Variants in RGS22 observed in about 807,000 individuals in gnomAD.
RGS22 encodes regulator of G protein signaling 22.
A neutral mutation model predicts 172.9 loss-of-function variants in RGS22; 148 were observed. The observed-to-expected ratio is 0.86, with a 90% confidence interval of 0.75 to 0.98. RGS22 has a LOEUF of 0.98. RGS22 is among the 50% of genes least tolerant of loss of function. The probability of loss-of-function intolerance (pLI) is 0.00; values close to 1 mark genes in which losing one functional copy is unlikely to be tolerated. For synonymous variants in RGS22, 458 were observed against 480.2 expected, an observed-to-expected ratio of 0.95 and a Z score of 0.60; for missense variants, 1,347 against 1,440.8, an observed-to-expected ratio of 0.93 and a Z score of 1.05.
rs1024418694 is a variant in RGS22, at chr8:100,080,240, C to T, written c.233G>A (p.Arg78Gln). 1.1e-5 allele frequency: 18 copies of T among 1,613,552 alleles called. No individual in the cohort carries two copies. The highest frequency in any genetic ancestry group is 1.7e-5 in the Admixed American group (1 of 60,008). The part of the protein sequence containing the change: ...LKKILQNQQP[R>Q]NPIYDVVRKG... ...CCTTACAACATCATAAATGGGATTT[C>T]GAGGTTGCTGGTTTTGTAGAATTTT... The change falls in exon 4 of 28, where the codon CGA becomes CAA. Residue 78 changes from arginine (R) to glutamine (Q), a missense_variant. Arg to Gln is a conservative substitution (Grantham distance 43, BLOSUM62 1). Transcript: ENST00000360863.
intron 6 of RGS22, among the ~76,000 whole-genome samples, chr8:100,069,138 A>C (rs1051284370): frequency 2.6e-5 from 4 of 152,234 alleles, no homozygotes. Flanking sequence ...AAGTTCAAGT[A>C]ACCTTAGCCT....
At chr8:99,993,950 G>T (rs575722809) in intron 20 of RGS22, among the ~76,000 whole-genome samples, 1 of 152,294 alleles carries the variant, frequency 6.6e-6, no homozygotes, top group East Asian at 1.9e-4. Flanking sequence ...GGGATGCAAG[G>T]CTGGTTCAAC....
chr8:100,095,504 TC>T (rs1190707331), intron 2 of RGS22, among the ~76,000 whole-genome samples: 1 of 152,164 alleles, frequency 6.6e-6, no homozygotes, highest in Non-Finnish European at 1.5e-5. Context: ...GTTGTTTTTT[TC>T]CTTAACGTAT....
Position 100,069,971 on chromosome 8 carries a change from T to G in RGS22, c.594+1398A>C, listed in dbSNP as rs182053894. ...TGAATCCTGGAGGTGGAGGTTGCAG[T>G]GAGCAGAGATCATGCCACTGCACTC... On this transcript the variant is annotated intron_variant, in intron 6 of 27. Coordinates refer to ENST00000360863, the MANE Select transcript of RGS22 (RefSeq NM_015668.5). 6.4e-4 allele frequency among the ~76,000 whole-genome samples: 83 copies of G among 129,856 alleles called. No homozygotes were observed. In the Admixed American group the frequency reaches 6.5e-3, roughly 10 times the overall value. The allele number at this position is 129,856 out of a possible 152,430, so 85.2% of individuals were successfully genotyped here. A position where few individuals can be genotyped will look rare whatever the true frequency, so the allele number is the denominator to read the frequency against.
At chr8:100,089,605 T>C (rs568816376) in intron 3 of RGS22, among the ~76,000 whole-genome samples, 2 of 152,218 alleles carry the variant, frequency 1.3e-5, no homozygotes, top group South Asian at 2.1e-4. Context: ...TCTTAACATA[T>C]GGCACCAAAA....
intron 14 of RGS22, among the ~76,000 whole-genome samples, chr8:100,014,338 T>C (rs1816725914): frequency 6.6e-6 from 1 of 152,182 alleles, no homozygotes; most frequent in Non-Finnish European, 1.5e-5. Flanking sequence ...GCCTCTCTCA[T>C]TCTAAAACGT....
At position 100,069,155 on chromosome 8, in the gene RGS22, T is replaced by G. The variant is rs191984583; in HGVS notation, c.594+2214A>C. ...GTTCAAGTAACCTTAGCCTATCTAT[T>G]CCAACACAGAAAGCAAAGAGGCTTC... On this transcript the variant is annotated intron_variant, in intron 6 of 27. Transcript: ENST00000360863. Among the ~76,000 whole-genome samples the G allele has an allele frequency of 2.4e-3, 360 of 152,352 alleles. 4 individuals carry two copies. Among genetic ancestry groups the G allele is most frequent in the African/African-American group, 8.3e-3 (346 of 41,584 alleles).
At chr8:100,021,280 C>A (rs2131458603) in intron 14 of RGS22, among the ~76,000 whole-genome samples, 1 of 152,170 alleles carries the variant, frequency 6.6e-6, no homozygotes, top group South Asian at 2.1e-4. Flanking sequence ...ACAGTAAAGG[C>A]CCTGTTAATA....
chr8:100,020,197 C>A (rs2131450578), intron 14 of RGS22, among the ~76,000 whole-genome samples: 1 of 152,222 alleles, frequency 6.6e-6, no homozygotes, highest in Admixed American at 6.5e-5. Flanking sequence ...ATTTTCTTCT[C>A]CTTACCATCA....
At chr8:100,080,049 T>A (rs568150585) in intron 4 of RGS22, 85 bp downstream of exon 4, 1 of 946,558 alleles carries the variant, frequency 1.1e-6, no homozygotes, top group African/African-American at 1.6e-5. Context: ...TAGCTACACT[T>A]CAAAAAGGGA....
At chr8:100,043,835 A>G (rs1266739830) in intron 11 of RGS22, among the ~76,000 whole-genome samples, 1 of 152,108 alleles carries the variant, frequency 6.6e-6, no homozygotes, top group Non-Finnish European at 1.5e-5. Flanking sequence ...ATCTTTAGCT[A>G]GACTAACCAA....
chr8:99,998,226 A>G (rs1292830718), intron 19 of RGS22, among the ~76,000 whole-genome samples: 1 of 152,226 alleles, frequency 6.6e-6, no homozygotes, highest in African/African-American at 2.4e-5. Flanking sequence ...ATATTAATAG[A>G]TAACATTTGA....
At chr8:99,994,345 T>A (rs1428840670) in intron 20 of RGS22, among the ~76,000 whole-genome samples, 1 of 152,190 alleles carries the variant, frequency 6.6e-6, no homozygotes, top group Non-Finnish European at 1.5e-5. Context: ...GCAGATGACA[T>A]GATTGTATAT....
chr8:99,975,121 G>A (rs1811795171), intron 23 of RGS22, among the ~76,000 whole-genome samples: 1 of 151,742 alleles, frequency 6.6e-6, no homozygotes, highest in Non-Finnish European at 1.5e-5. Flanking sequence ...AGTCTAGCCT[G>A]GGCGACAGAG....
intron 14 of RGS22, among the ~76,000 whole-genome samples, chr8:100,035,539 G>C (rs556861601): frequency 1.3e-5 from 2 of 152,244 alleles, no homozygotes; most frequent in South Asian, 4.1e-4. Context: ...AACCTTGTGG[G>C]GGACAGTGTG....
At chr8:100,103,899 G>A (rs890607211) in intron 2 of RGS22, among the ~76,000 whole-genome samples, 13 of 152,216 alleles carry the variant, frequency 8.5e-5, no homozygotes, top group Admixed American at 2.0e-4. Context: ...AGTAAGTGGC[G>A]TGTTGTTGAG....
rs542964296 is a variant in RGS22, at chr8:100,103,968, G to C, written c.54+1406C>G. ...CTTCAGAAATGCTCACCTCCTGCTG[G>C]AACTAAGAGTAAATTCAGGAAGGCC... On this transcript the variant is annotated intron_variant, in intron 2 of 27. Coordinates refer to ENST00000360863, the MANE Select transcript of RGS22 (RefSeq NM_015668.5). 2.2e-4 allele frequency among the ~76,000 whole-genome samples: 33 copies of C among 152,270 alleles called. No homozygotes were observed. The South Asian group carries it at 5.8e-3, about 27-fold the overall frequency.
intron 4 of RGS22, among the ~76,000 whole-genome samples, chr8:100,078,297 G>A (rs1811505555): frequency 6.6e-6 from 1 of 151,754 alleles, no homozygotes; most frequent in East Asian, 1.9e-4. Context: ...GGAGTGCAGT[G>A]GCACCATCAT....
At chr8:100,003,798 T>C (rs1005132138) in intron 17 of RGS22, 128 bp downstream of exon 17, 37 of 715,834 alleles carry the variant, frequency 5.2e-5, no homozygotes, top group African/African-American at 7.3e-5. Context: ...CAGATAATCA[T>C]GTTTGTCAGT....
Sources: allele counts gnomAD v4.1 joint callset (sites outside exome capture counted in the v4.1 genomes callset), GRCh38; gene constraint gnomAD v4.1.1; transcripts MANE v1.5; gene names NCBI Gene and HGNC (gene_info 2026-07-23, HGNC 2026-07-21).